Variants in IFI44L observed in about 807,000 individuals in gnomAD.
IFI44L encodes the protein interferon-induced protein 44-like.
Under a neutral mutation model 39.3 loss-of-function variants are expected in IFI44L, and 40 were observed. The observed-to-expected ratio is 1.02, with a 90% CI of 0.79 to 1.33. The LOEUF (loss-of-function observed/expected upper bound fraction) is 1.33. Among genes scored for constraint, IFI44L ranks in the 40% most tolerant of loss-of-function variants. IFI44L has a pLI of 0.00. For synonymous variants in IFI44L, 198 were observed against 182.3 expected (o/e 1.09, Z -0.69); for missense variants, 623 against 549.0 (o/e 1.13, Z -1.35).
chr1:78,621,031 C>A (rs1652255530), intron 1 of IFI44L: 1 of 152,104 alleles, frequency 6.6e-6, no homozygotes, highest in Non-Finnish European at 1.5e-5. Context: ...AGCTTGCTTT[C>A]TTTTTTTCTA....
At chr1:78,635,074 G>T (rs1393520379) in intron 4 of IFI44L, among the ~76,000 whole-genome samples, 1 of 149,846 alleles carries the variant, frequency 6.7e-6, no homozygotes, top group Non-Finnish European at 1.5e-5. Context: ...AAATTACATA[G>T]AAATTTCTTT....
At position 78,642,401 on chromosome 1, in the gene IFI44L, AAT is replaced by A. The variant is rs1257619052; in HGVS notation, c.*594_*595del. 3.3e-5 allele frequency: 5 copies of A among 151,244 alleles called. No homozygotes were observed. Among genetic ancestry groups the A allele is most frequent in the African/African-American group, 1.2e-4 (5 of 41,178 alleles). 9.4% of individuals were successfully genotyped at this position (151,244 alleles called of 1,614,324 possible). On this transcript the variant is annotated 3_prime_UTR_variant, in exon 9 of 9. Transcript: ENST00000370751. ...CTCCACTGCAAAAAAAAAAAAAAAA[AAT>A]AAGAAAGAACAAAACAAACCCCACA...
Position 78,642,978 on chromosome 1 carries a change from A to G in IFI44L, c.*1169A>G, listed in dbSNP as rs528563779. ...AGAAAGAAAACAAAATTCCCAAAAG[A>G]TAGCTTTCACTTTTTTTTTTCCTTA... On this transcript the variant is annotated 3_prime_UTR_variant, in exon 9 of 9. Coordinates refer to ENST00000370751, the MANE Select transcript of IFI44L (RefSeq NM_006820.4). 7.6e-4 allele frequency: 115 copies of G among 152,104 alleles called. No homozygotes were observed. Among genetic ancestry groups the G allele is most frequent in the African/African-American group, 2.6e-3 (110 of 41,534 alleles). 9.4% of individuals were successfully genotyped at this position (152,104 alleles called of 1,614,324 possible).
In IFI44L at chr1:78,642,870, G is replaced by A. The variant is rs1489567958; in HGVS notation, c.*1061G>A. ...TGTGTCCTTCCATTTAGGTTACTGG[G>A]GCAAATCAGTAAGAAAGTTCTTATA... is the stretch of plus-strand genomic sequence containing the variant. On this transcript the variant is annotated 3_prime_UTR_variant, in exon 9 of 9. Transcript: ENST00000370751. 1 of 151,830 alleles carries A rather than the reference G, an allele frequency of 6.6e-6. No individual in the cohort carries two copies. Among genetic ancestry groups the A allele is most frequent in the African/African-American group, 2.4e-5 (1 of 41,354 alleles). The allele number at this position is 151,830 out of a possible 1,614,324, so 9.4% of individuals were successfully genotyped here.
At chr1:78,638,723 G>A (rs748022454) in intron 6 of IFI44L, among the ~76,000 whole-genome samples, 1 of 151,932 alleles carries the variant, frequency 6.6e-6, no homozygotes, top group African/African-American at 2.4e-5. Flanking sequence ...TTTGTTTCAA[G>A]AATGTTCCTA....
intron 4 of IFI44L, among the ~76,000 whole-genome samples, chr1:78,632,817 G>A (rs974755820): frequency 6.6e-6 from 1 of 152,114 alleles, no homozygotes; most frequent in Non-Finnish European, 1.5e-5. Context: ...ACATTAAAGA[G>A]AATTTTACTA....
chr1:78,643,404 A>G lies in IFI44L; in HGVS notation c.*1595A>G, dbSNP rs545189540. 6.6e-6 allele frequency: 1 copy of G among 152,294 alleles called. No individual in the cohort carries two copies. Among genetic ancestry groups the G allele is most frequent in the East Asian group, 1.9e-4 (1 of 5,176 alleles). 9.4% of individuals were successfully genotyped at this position (152,294 alleles called of 1,614,324 possible). A position where few individuals can be genotyped will look rare whatever the true frequency, so the allele number is the denominator to read the frequency against. On this transcript the variant is annotated 3_prime_UTR_variant, in exon 9 of 9. Coordinates refer to ENST00000370751, the MANE Select transcript of IFI44L (RefSeq NM_006820.4). ...TCTTATTGCACAGTAACACACCAAT[A>G]TACCAAAACAGCAGGTATTGCAGTA...
chr1:78,638,663 A>T (rs889567793), intron 6 of IFI44L, among the ~76,000 whole-genome samples: 2 of 151,870 alleles, frequency 1.3e-5, no homozygotes, highest in Non-Finnish European at 1.5e-5. Flanking sequence ...TTTCAAGTTG[A>T]TTCTTTTTCA....
At chr1:78,640,725 C>A (rs1646972447) in intron 6 of IFI44L, among the ~76,000 whole-genome samples, 2 of 152,126 alleles carry the variant, frequency 1.3e-5, no homozygotes. Context: ...CAAAGTCCAG[C>A]AACCCCTTTT....
rs1458074530 is a variant in IFI44L, at chr1:78,628,207, A to G, written c.292A>G (p.Thr98Ala). 6.2e-7 allele frequency: 1 copy of G among 1,612,818 alleles called. No individual in the cohort carries two copies. Among genetic ancestry groups the G allele is most frequent in the East Asian group, 2.2e-5 (1 of 44,752 alleles). Residue 98 changes from threonine (T) to alanine (A), a missense_variant, in exon 2 of 9, where the codon ACT becomes GCT. By Grantham distance (58) the Thr-to-Ala change is moderately conservative. Coordinates refer to ENST00000370751, the MANE Select transcript of IFI44L (RefSeq NM_006820.4). ...QKKNDTTEIE[T>A]LLLNTAPKII... is the part of the protein sequence containing the mutation. The stretch of plus-strand genomic sequence containing the variant: ...GAAAAATGACACCACTGAAATAGAA[A>G]CTTTACTCTTAAATACAGCACCAAA...
At chr1:78,624,153 AATTTTTGT>A (rs1165033545) in intron 1 of IFI44L, among the ~76,000 whole-genome samples, 4 of 151,864 alleles carry the variant, frequency 2.6e-5, no homozygotes, top group Non-Finnish European at 5.9e-5. Flanking sequence ...CACCACACCC[AATTTTTGT>A]ATTTTTGTAT....
At chr1:78,631,084 T>C (rs566144793) in intron 4 of IFI44L, among the ~76,000 whole-genome samples, 1 of 152,220 alleles carries the variant, frequency 6.6e-6, no homozygotes, top group East Asian at 1.9e-4. Flanking sequence ...AGTTTTAAAT[T>C]CCAAAGGTCT....
chr1:78,640,725 CA>C (rs1383370707), intron 6 of IFI44L, among the ~76,000 whole-genome samples: 1 of 152,126 alleles, frequency 6.6e-6, no homozygotes, highest in Admixed American at 6.6e-5. Context: ...CAAAGTCCAG[CA>C]ACCCCTTTTT....
intron 4 of IFI44L, among the ~76,000 whole-genome samples, chr1:78,632,692 A>G (rs1405412805): frequency 2.0e-5 from 3 of 152,142 alleles, no homozygotes; most frequent in Non-Finnish European, 4.4e-5. Context: ...CCTCCTTTTC[A>G]TATTATACAT....
intron 5 of IFI44L, chr1:78,635,900 A>G (rs1652932654): frequency 5.6e-6 from 1 of 177,756 alleles, no homozygotes; most frequent in Admixed American, 6.4e-5. Flanking sequence ...CTAAATACCT[A>G]GATTCAAAAT....
intron 4 of IFI44L, among the ~76,000 whole-genome samples, chr1:78,630,913 T>C (rs1254544780): frequency 1.3e-5 from 2 of 152,154 alleles, no homozygotes; most frequent in Non-Finnish European, 2.9e-5. Context: ...TTCTGTTTGC[T>C]AAATATTTAT....
intron 4 of IFI44L, chr1:78,631,358 TC>T (rs984832392): frequency 1.3e-5 from 2 of 152,146 alleles, no homozygotes; most frequent in African/African-American, 4.8e-5. Context: ...CACTGGTAAG[TC>T]CTATTCTCCT....
chr1:78,623,411 T>G (rs200690019), intron 1 of IFI44L, among the ~76,000 whole-genome samples: 38,652 of 141,598 alleles, frequency 0.27, 5,611 homozygotes, highest in Admixed American at 0.36. Context: ...TTTTTTTTTT[T>G]TTTTTTTTTT....
At chr1:78,633,948 TAGAG>T (rs760077131) in intron 4 of IFI44L, among the ~76,000 whole-genome samples, 14 of 151,580 alleles carry the variant, frequency 9.2e-5, no homozygotes, top group Non-Finnish European at 1.2e-4. Context: ...AGAAATGAAA[TAGAG>T]AGCATCAACA....
Sources: allele counts gnomAD v4.1 joint callset (sites outside exome capture counted in the v4.1 genomes callset), GRCh38; gene constraint gnomAD v4.1.1; transcripts MANE v1.5; gene names NCBI Gene and HGNC (gene_info 2026-07-23, HGNC 2026-07-21).